RTN4RL2: variants seen among roughly 807,000 people sequenced by gnomAD.
RTN4RL2 encodes the protein reticulon-4 receptor-like 2.
A neutral mutation model predicts 27.8 loss-of-function variants in RTN4RL2; 9 were observed. The observed-to-expected ratio is 0.32, with a 90% CI of 0.20 to 0.57. RTN4RL2 has a LOEUF of 0.57. RTN4RL2 is among the 20% of genes least tolerant of loss of function. The pLI is 0.90. For synonymous variants in RTN4RL2, 285 were observed against 297.9 expected, an observed-to-expected ratio of 0.96 and a Z score of 0.45; for missense variants, 436 against 596.8, an observed-to-expected ratio of 0.73 and a Z score of 2.81.
chr11:57,465,001 C>A (rs1459778662), intron 1 of RTN4RL2, among the ~76,000 whole-genome samples: 1 of 152,182 alleles, frequency 6.6e-6, no homozygotes, highest in African/African-American at 2.4e-5. Context: ...GCACGGGGCC[C>A]GGCGCTCACA....
At chr11:57,466,602 G>C (rs1459339883) in intron 1 of RTN4RL2, among the ~76,000 whole-genome samples, 2 of 152,210 alleles carry the variant, frequency 1.3e-5, no homozygotes, top group African/African-American at 4.8e-5. Context: ...CTCACTTAGA[G>C]ACCCGACCCT....
At chr11:57,468,697 AC>A (rs1943543469) in intron 2 of RTN4RL2, 36 of 1,535,862 alleles carry the variant, frequency 2.3e-5, no homozygotes, top group Non-Finnish European at 2.8e-5. Context: ...TCTCCAATTC[AC>A]TGGGCAATGG....
chr11:57,461,585 G>A (rs972666929), intron 1 of RTN4RL2, among the ~76,000 whole-genome samples: 4 of 151,072 alleles, frequency 2.6e-5, no homozygotes, highest in African/African-American at 9.7e-5. Flanking sequence ...GTGGAGGGAA[G>A]TGGGACCCAG....
At chr11:57,474,829 C>T (rs1449433325) in intron 2 of RTN4RL2, among the ~76,000 whole-genome samples, 1 of 152,186 alleles carries the variant, frequency 6.6e-6, no homozygotes. Flanking sequence ...CGCCGCCCCC[C>T]GCTGTTAATT....
intron 2 of RTN4RL2, among the ~76,000 whole-genome samples, chr11:57,470,688 T>C (rs2135121079): frequency 6.6e-6 from 1 of 152,336 alleles, no homozygotes; most frequent in Non-Finnish European, 1.5e-5. Context: ...TGAGATCAAA[T>C]ACTACTACAA....
intron 2 of RTN4RL2, among the ~76,000 whole-genome samples, chr11:57,472,500 C>T (rs957275204): frequency 6.6e-5 from 10 of 152,186 alleles, no homozygotes; most frequent in Admixed American, 3.3e-4. Context: ...CATGAGCCAC[C>T]GTACACAGCT....
rs143028204 is a variant in RTN4RL2 at position 57,468,019 on chromosome 11, G to A, written c.442G>A (p.Gly148Ser). Residue 148 changes from glycine to serine, a missense_variant, in exon 2 of 3, where the codon GGC becomes AGC. By Grantham distance (56) the Gly-to-Ser change is moderately conservative. This residue lies in a region of RTN4RL2 where 365 missense variants were observed against 530.5 expected (regional missense o/e 0.69). Transcript: ENST00000335099. ...CCGCTGCCAGCTCAGCAGCCTGCCC[G>A]GCAACATCTTCCGAGGCCTGGTCAG... ...LYRCQLSSLP[G>S]NIFRGLVSLQ... The A allele has an allele frequency of 2.8e-5, 45 of 1,601,788 alleles. No homozygotes were observed. The African/African-American group carries it at 3.2e-4, about 11-fold the overall frequency.
At position 57,477,382 on chromosome 11, in the gene RTN4RL2, C is replaced by G. The variant is rs1943605068; in HGVS notation, c.*471C>G. On this transcript the variant is annotated 3_prime_UTR_variant, in exon 3 of 3. Transcript: ENST00000335099. ...TGCTTACCCTAGTCCCCTCAACCTC[C>G]TGACACTGGAGGAATACTTTTCTCC... 6.4e-6 allele frequency: 1 copy of G among 157,256 alleles called. No individual in the cohort carries two copies. The highest frequency in any genetic ancestry group is 6.5e-5 in the Admixed American group (1 of 15,432). The allele number at this position is 157,256 out of a possible 1,614,324, so 9.7% of individuals were successfully genotyped here.
intron 2 of RTN4RL2, chr11:57,468,909 A>G (rs1396357260): frequency 2.5e-6 from 2 of 802,656 alleles, no homozygotes; most frequent in Non-Finnish European, 4.2e-6. Flanking sequence ...TGACTGTTTG[A>G]CACGCAAATC....
intron 1 of RTN4RL2, 92 bp downstream of exon 1, chr11:57,460,988 G>T: frequency 2.7e-6 from 2 of 752,180 alleles, no homozygotes; most frequent in South Asian, 3.7e-5. Context: ...GGCAGTTGGG[G>T]AGGTGGGGTA....
intron 1 of RTN4RL2, 25 bp downstream of exon 1, chr11:57,460,921 C>G: frequency 7.3e-7 from 1 of 1,368,806 alleles, no homozygotes; most frequent in East Asian, 3.1e-5. Context: ...GGCGGGAGAG[C>G]GGAGGGCATC....
Position 57,476,323 on chromosome 11 carries a change from C to G in RTN4RL2, c.675C>G (p.Gly225=). The G allele has an allele frequency of 6.2e-7, 1 of 1,611,050 alleles. No homozygotes were observed. The highest frequency in any genetic ancestry group is 8.5e-7 in the Non-Finnish European group (1 of 1,178,916). Residue 225 remains glycine (G), a synonymous_variant, in exon 3 of 3, where the codon GGC becomes GGG. Transcript: ENST00000335099. This position sits in a 1 kb window ranked among gnomAD's most constrained non-coding sequence, Gnocchi z 8.2. ...LQGVHRAAFR[G]LSRLTILYLF... ...GCGTGCACCGCGCGGCCTTCCGCGG[C>G]CTCAGCCGCCTCACCATCCTCTACC...
chr11:57,466,086 C>T (rs1205781820), intron 1 of RTN4RL2, among the ~76,000 whole-genome samples: 4 of 150,200 alleles, frequency 2.7e-5, no homozygotes, highest in South Asian at 2.1e-4. Flanking sequence ...CTGCAAGCTC[C>T]GCCTCCCAGG....
At chr11:57,472,444 T>TA (rs1310210403) in intron 2 of RTN4RL2, among the ~76,000 whole-genome samples, 1 of 151,618 alleles carries the variant, frequency 6.6e-6, no homozygotes, top group Non-Finnish European at 1.5e-5. Flanking sequence ...CTCCTGAACT[T>TA]AAGCAATCCA....
chr11:57,467,724 C>A lies in RTN4RL2; in HGVS notation c.147C>A (p.Asn49Lys). The A allele has an allele frequency of 6.2e-7, 1 of 1,613,324 alleles. No individual in the cohort carries two copies. Among genetic ancestry groups the A allele is most frequent in the Non-Finnish European group, 8.5e-7 (1 of 1,180,010 alleles). Residue 49 changes from asparagine to lysine, a missense_variant, in exon 2 of 3, where the codon AAC (asparagine) becomes AAA (lysine). Physicochemically the swap from Asn to Lys is moderately conservative, Grantham distance 94. This residue lies in a region of RTN4RL2 where 365 missense variants were observed against 530.5 expected (regional missense o/e 0.69). Transcript: ENST00000335099. The surrounding 1 kb of genome is among the most constrained non-coding windows in gnomAD (Gnocchi z 5.5). ...SSPPTVSCQA[N>K]NFSSVPLSLP... ...CGCCCACCGTGAGCTGCCAGGCCAA[C>A]AACTTCTCCTCTGTGCCGCTGTCCC... is the stretch of plus-strand genomic sequence containing the variant.
rs995102932 is a variant in RTN4RL2, at chr11:57,468,699, T to C, written c.513+609T>C. On this transcript the variant is annotated intron_variant, in intron 2 of 2. Transcript: ENST00000335099. ...AAAGTTGCGCTTCTCTCCAATTCAC[T>C]GGGCAATGGGACGGGAGAAGCCCAC... is the stretch of plus-strand genomic sequence containing the variant. The C allele has an allele frequency of 5.9e-6, 9 of 1,535,912 alleles. No individual in the cohort carries two copies. In the African/African-American group the frequency reaches 1.2e-4, roughly 21 times the overall value.
Position 57,476,389 on chromosome 11 carries a change from C to G in RTN4RL2, c.741C>G (p.Leu247=), listed in dbSNP as rs764800779. 6.2e-7 allele frequency: 1 copy of G among 1,605,728 alleles called. No individual in the cohort carries two copies. The highest frequency in any genetic ancestry group is 1.6e-4 in the Middle Eastern group (1 of 6,078). ...TGGCCTCGCTGCCCGGCGAGGCGCT[C>G]GCCGACCTGCCCTCGCTCGAGTTCC... ...NSLASLPGEA[L]ADLPSLEFLR... Residue 247 remains leucine, a synonymous_variant, in exon 3 of 3, where the codon CTC becomes CTG. Coordinates refer to ENST00000335099, the MANE Select transcript of RTN4RL2 (RefSeq NM_178570.3). This position sits in a 1 kb window ranked among gnomAD's most constrained non-coding sequence, Gnocchi z 8.2.
intron 1 of RTN4RL2, among the ~76,000 whole-genome samples, chr11:57,464,919 C>T (rs918801736): frequency 2.1e-4 from 32 of 152,180 alleles, no homozygotes; most frequent in Admixed American, 1.8e-3. Context: ...CCGAGAAACG[C>T]GGAGGTGGTG....
intron 1 of RTN4RL2, among the ~76,000 whole-genome samples, chr11:57,464,889 C>T (rs1246632293): frequency 3.3e-5 from 5 of 152,092 alleles, no homozygotes; most frequent in Non-Finnish European, 5.9e-5. Flanking sequence ...AAACGCCGCA[C>T]GGGGGAGGGG....
Sources: allele counts gnomAD v4.1 joint callset (sites outside exome capture counted in the v4.1 genomes callset), GRCh38; gene constraint gnomAD v4.1.1; regional missense constraint gnomAD v4.1.1; non-coding constraint Gnocchi (gnomAD v3.1); transcripts MANE v1.5; gene names NCBI Gene and HGNC (gene_info 2026-07-23, HGNC 2026-07-21).